Variants in MOCOS observed in about 807,000 individuals in gnomAD.
MOCOS encodes molybdenum cofactor sulfurase.
MOCOS carries 86 observed loss-of-function variants against 83.6 expected under a neutral mutation model. That is an observed-to-expected ratio of 1.03 (90% CI 0.86 to 1.23). The LOEUF (loss-of-function observed/expected upper bound fraction) is 1.23. Ranked by LOEUF, MOCOS falls within the 50% of genes most tolerant of loss-of-function variation. MOCOS has a pLI of 0.00. For synonymous variants in MOCOS, 445 were observed against 434.7 expected (o/e 1.02, Z -0.29); for missense variants, 1,120 against 1,126.9 (o/e 0.99, Z 0.09).
intron 1 of MOCOS, among the ~76,000 whole-genome samples, chr18:36,194,386 C>T (rs533458986): frequency 2.0e-5 from 3 of 152,264 alleles, no homozygotes; most frequent in African/African-American, 2.4e-5. Context: ...AAGTGTATCT[C>T]AGAGTTTGTT....
At chr18:36,231,447 T>A (rs998036770) in intron 9 of MOCOS, among the ~76,000 whole-genome samples, 1 of 152,270 alleles carries the variant, frequency 6.6e-6, no homozygotes, top group African/African-American at 2.4e-5. Flanking sequence ...TATTTTGAAC[T>A]GTTACCTATG....
intron 9 of MOCOS, among the ~76,000 whole-genome samples, chr18:36,241,815 A>G (rs2091584318): frequency 6.6e-6 from 1 of 152,238 alleles, no homozygotes; most frequent in Non-Finnish European, 1.5e-5. Context: ...CAGGCCCAAT[A>G]CCACATGGAA....
At chr18:36,263,122 T>A (rs2091669746) in intron 13 of MOCOS, among the ~76,000 whole-genome samples, 1 of 152,012 alleles carries the variant, frequency 6.6e-6, no homozygotes, top group Admixed American at 6.6e-5. Flanking sequence ...AAAAAGCAAA[T>A]GCTCAAAAGA....
rs998012992 is a variant in MOCOS at position 36,191,745 on chromosome 18, C to T, written c.143-3512C>T. On this transcript the variant is annotated intron_variant, in intron 1 of 14. Coordinates refer to ENST00000261326, the MANE Select transcript of MOCOS (RefSeq NM_017947.4). Reference sequence around the variant, plus strand: ...CACTGTGTCCAGTACACTTAAAATACGTGTGCACACACACACACACACACA... The same window carrying T: ...CACTGTGTCCAGTACACTTAAAATATGTGTGCACACACACACACACACACA... Among the ~76,000 whole-genome samples the T allele has an allele frequency of 3.5e-4, 10 of 28,430 alleles. No individual in the cohort carries two copies. In the South Asian group the frequency reaches 6.7e-3, roughly 19 times the overall value. The allele number at this position is 28,430 out of a possible 152,430, so 18.7% of individuals were successfully genotyped here.
intron 9 of MOCOS, among the ~76,000 whole-genome samples, chr18:36,246,581 T>C (rs2091602933): frequency 6.6e-6 from 1 of 152,184 alleles, no homozygotes; most frequent in Non-Finnish European, 1.5e-5. Context: ...TTTGTTTTAG[T>C]GTGCTGGTTT....
chr18:36,266,661 C>T, intron 13 of MOCOS, 88 bp from the exon 14 acceptor site: 3 of 1,088,190 alleles, frequency 2.8e-6, no homozygotes, highest in Middle Eastern at 2.2e-4. Flanking sequence ...AGTTAGGGGA[C>T]TGGGCATTTC....
intron 13 of MOCOS, 90 bp downstream of exon 13, chr18:36,260,265 T>G (rs1458071785): frequency 6.6e-7 from 1 of 1,515,264 alleles, no homozygotes; most frequent in African/African-American, 1.4e-5. Context: ...CAGGTGGGAC[T>G]CCCTCCCAGT....
At chr18:36,216,191 A>G (rs1241593048) in intron 8 of MOCOS, among the ~76,000 whole-genome samples, 1 of 152,174 alleles carries the variant, frequency 6.6e-6, no homozygotes, top group Non-Finnish European at 1.5e-5. Flanking sequence ...TGAGTGGTGA[A>G]TGTGTCATTA....
chr18:36,214,942 A>C (rs1350067826), intron 7 of MOCOS, among the ~76,000 whole-genome samples: 1 of 152,170 alleles, frequency 6.6e-6, no homozygotes, highest in Non-Finnish European at 1.5e-5. Flanking sequence ...GGGCTCGGAG[A>C]CTGAGATTCT....
chr18:36,266,787 C>T lies in MOCOS; in HGVS notation c.2448C>T (p.Ile816=), dbSNP rs1224463967. ...GTCACAGATGCCAGATGATTTGCAT[C>T]GACCAGCAAACTGGGCAACGAAACC... ...GPCHRCQMIC[I]DQQTGQRNQH... Residue 816 remains isoleucine (I), a synonymous_variant, in exon 14 of 15, where the codon ATC becomes ATT. Coordinates refer to ENST00000261326, the MANE Select transcript of MOCOS (RefSeq NM_017947.4). 15 of 1,613,948 alleles carry T rather than the reference C, an allele frequency of 9.3e-6. No individual in the cohort carries two copies. Among genetic ancestry groups the T allele is most frequent in the African/African-American group, 2.7e-5 (2 of 74,918 alleles).
intron 6 of MOCOS, among the ~76,000 whole-genome samples, chr18:36,209,293 C>T (rs2091445618): frequency 1.3e-5 from 2 of 152,082 alleles, no homozygotes; most frequent in Non-Finnish European, 2.9e-5. Flanking sequence ...ATCCTCCCAC[C>T]TCAGCTTCCC....
intron 2 of MOCOS, among the ~76,000 whole-genome samples, 170 bp from the exon 3 acceptor site, chr18:36,198,520 T>C (rs968340577): frequency 6.6e-6 from 1 of 152,242 alleles, no homozygotes; most frequent in African/African-American, 2.4e-5. Context: ...CAAGTCTGTA[T>C]GGACATAAGT....
chr18:36,218,811 C>A (rs372968741), intron 8 of MOCOS, among the ~76,000 whole-genome samples: 1 of 151,548 alleles, frequency 6.6e-6, no homozygotes, highest in African/African-American at 2.4e-5. Context: ...TAAGCCACTG[C>A]GCCCAGCTCT....
intron 5 of MOCOS, 41 bp downstream of exon 5, chr18:36,203,230 G>T (rs775048693): frequency 1.3e-6 from 2 of 1,569,644 alleles, no homozygotes; most frequent in Admixed American, 1.7e-5. Flanking sequence ...TGCTCCTGTT[G>T]TGTCCTTGAG....
intron 11 of MOCOS, among the ~76,000 whole-genome samples, chr18:36,254,458 CTGTGTGTGTGTGTGTGTGTGTG>C (rs60813321): frequency 1.4e-5 from 2 of 138,866 alleles, no homozygotes; most frequent in Non-Finnish European, 3.1e-5. Flanking sequence ...TACATTATCT[CTGTGTGTGTGTGTGTGTGTGTG>C]TGTGTGTGTG....
intron 9 of MOCOS, among the ~76,000 whole-genome samples, chr18:36,229,737 C>T (rs750447398): frequency 1.7e-4 from 26 of 151,450 alleles, no homozygotes; most frequent in Non-Finnish European, 3.2e-4. Flanking sequence ...TTTCCAGTGA[C>T]CTGTCTTCAA....
At chr18:36,254,272 A>T (rs761660197) in intron 11 of MOCOS, among the ~76,000 whole-genome samples, 1 of 152,144 alleles carries the variant, frequency 6.6e-6, no homozygotes, top group Non-Finnish European at 1.5e-5. Flanking sequence ...TTGTCATCTA[A>T]ATTTTAAAAA....
rs138387285 is a variant in MOCOS, at chr18:36,246,874, A to G, written c.1961-2048A>G. Among the ~76,000 whole-genome samples, 5 of 152,308 alleles carry G rather than the reference A, an allele frequency of 3.3e-5. No homozygotes were observed. In the East Asian group the frequency reaches 9.6e-4, roughly 29 times the overall value. On this transcript the variant is annotated intron_variant, in intron 9 of 14. Transcript: ENST00000261326. ...ATAATTTTGCCCTGCCTTGGCTAGG[A>G]TAGGTACTTGGCTTCCTCAGGTAAT...
At chr18:36,223,094 A>G (rs76319580) in intron 9 of MOCOS, among the ~76,000 whole-genome samples, 2,756 of 152,110 alleles carry the variant, frequency 0.018, 81 homozygotes, top group African/African-American at 0.063. Flanking sequence ...TTTTAGTTGG[A>G]TATAGTCCCA....
Sources: allele counts gnomAD v4.1 joint callset (sites outside exome capture counted in the v4.1 genomes callset), GRCh38; gene constraint gnomAD v4.1.1; transcripts MANE v1.5; gene names NCBI Gene and HGNC (gene_info 2026-07-23, HGNC 2026-07-21).